Variants in PPFIA2 observed in about 807,000 individuals in gnomAD.
PPFIA2 encodes the protein liprin-alpha-2.
Under a neutral mutation model 175.5 loss-of-function variants are expected in PPFIA2, and 46 were observed. The ratio of observed to expected loss-of-function variants is 0.26; its 90% CI spans 0.21 to 0.34. PPFIA2 has a LOEUF of 0.34. Among genes scored for constraint, PPFIA2 ranks in the 10% least tolerant of loss-of-function variants. The pLI, the probability that PPFIA2 is intolerant of heterozygous loss-of-function variation, is 1.00. For missense variants in PPFIA2, 1,179 were observed against 1,506.1 expected (o/e 0.78, Z 3.60); for synonymous variants, 568 against 511.4 (o/e 1.11, Z -1.49).
chr12:81,640,456 A>C (rs544934810), intron 4 of PPFIA2, among the ~76,000 whole-genome samples: 1 of 152,236 alleles, frequency 6.6e-6, no homozygotes, highest in South Asian at 2.1e-4. Flanking sequence ...AATTTTCAAA[A>C]TTCCTCAATA....
chr12:81,415,430 A>C (rs763079253), intron 7 of PPFIA2, among the ~76,000 whole-genome samples: 47 of 149,186 alleles, frequency 3.2e-4, no homozygotes, highest in Non-Finnish European at 5.7e-4. Flanking sequence ...ATTTAAATGC[A>C]CATTACCAGT....
At chr12:81,351,265 A>T (rs2059952823) in intron 17 of PPFIA2, among the ~76,000 whole-genome samples, 1 of 152,126 alleles carries the variant, frequency 6.6e-6, no homozygotes, top group Admixed American at 6.6e-5. Context: ...TTGAAATGAA[A>T]ATATAATAAA....
At position 81,365,175 on chromosome 12, in the gene PPFIA2, A is replaced by T. The variant is rs747481027; in HGVS notation, c.1545+1933T>A. 2.0e-5 allele frequency among the ~76,000 whole-genome samples: 3 copies of T among 151,924 alleles called. No homozygotes were observed. In the South Asian group the frequency reaches 6.2e-4, roughly 31 times the overall value. On this transcript the variant is annotated intron_variant, in intron 14 of 32. Coordinates refer to ENST00000549396, the MANE Select transcript of PPFIA2 (RefSeq NM_003625.5). ...AAAGGAAAGCTACCTAGAAACTTCA[A>T]ATTGTAGAGATAAAGATGGAAAGGG...
chr12:81,552,909 A>G (rs1413203616), intron 4 of PPFIA2, among the ~76,000 whole-genome samples: 1 of 152,236 alleles, frequency 6.6e-6, no homozygotes, highest in Admixed American at 6.6e-5. Context: ...GTTGTAATGT[A>G]GCCTATTAAA....
chr12:81,317,890 A>G (rs948191721), intron 22 of PPFIA2, among the ~76,000 whole-genome samples: 11 of 151,804 alleles, frequency 7.2e-5, no homozygotes, highest in African/African-American at 2.6e-4. Flanking sequence ...CTCTCAGCCA[A>G]AAGTTGAATC....
intron 4 of PPFIA2, among the ~76,000 whole-genome samples, chr12:81,575,841 AG>A (rs1326404829): frequency 6.6e-6 from 1 of 151,720 alleles, no homozygotes; most frequent in Non-Finnish European, 1.5e-5. Context: ...TACTGAATAT[AG>A]GTGTTCCAAG....
intron 7 of PPFIA2, among the ~76,000 whole-genome samples, chr12:81,416,779 G>T (rs977609647): frequency 6.6e-6 from 1 of 151,612 alleles, no homozygotes; most frequent in African/African-American, 2.4e-5. Flanking sequence ...ACAACTGACT[G>T]CAGTAATTAA....
At chr12:81,620,800 C>CA (rs1376108350) in intron 4 of PPFIA2, among the ~76,000 whole-genome samples, 3 of 152,150 alleles carry the variant, frequency 2.0e-5, no homozygotes, top group African/African-American at 7.2e-5. Flanking sequence ...TAAAAGGTTT[C>CA]AGGCAAATGT....
intron 3 of PPFIA2, among the ~76,000 whole-genome samples, chr12:81,753,709 C>G (rs2084211693): frequency 6.6e-6 from 1 of 152,102 alleles, no homozygotes; most frequent in Non-Finnish European, 1.5e-5. Context: ...TTTTCTACCT[C>G]CCTAAAACAC....
chr12:81,731,102 T>C (rs1479481612), intron 3 of PPFIA2, among the ~76,000 whole-genome samples: 1 of 151,660 alleles, frequency 6.6e-6, no homozygotes, highest in Non-Finnish European at 1.5e-5. Context: ...CGCACTACCC[T>C]ACTACAAGGC....
intron 7 of PPFIA2, among the ~76,000 whole-genome samples, chr12:81,437,264 G>C (rs565221536): frequency 1.1e-4 from 17 of 152,218 alleles, no homozygotes; most frequent in Middle Eastern, 3.4e-3. Context: ...GAGTCTGGCT[G>C]TGTTGCCTAG....
intron 21 of PPFIA2, among the ~76,000 whole-genome samples, chr12:81,336,014 C>A (rs1378485367): frequency 3.3e-5 from 5 of 152,122 alleles, no homozygotes; most frequent in African/African-American, 1.2e-4. Context: ...TACATCACTC[C>A]TATTTATTTT....
At chr12:81,713,737 T>G (rs769736530) in intron 3 of PPFIA2, among the ~76,000 whole-genome samples, 4 of 151,262 alleles carry the variant, frequency 2.6e-5, no homozygotes, top group Admixed American at 6.7e-5. Context: ...AGTTTATTGC[T>G]GTCTAATTTT....
chr12:81,312,281 G>A, intron 22 of PPFIA2: 1 of 1,055,232 alleles, frequency 9.5e-7, no homozygotes, highest in South Asian at 1.4e-5. Context: ...TTTAAGATGT[G>A]AGAAAGCTCA....
intron 25 of PPFIA2, 52 bp downstream of exon 25, chr12:81,284,189 A>G: frequency 7.3e-7 from 1 of 1,377,518 alleles, no homozygotes; most frequent in Non-Finnish European, 1.0e-6. Context: ...TCCTCATCCA[A>G]AGAGCAGCAA....
At chr12:81,523,119 T>A (rs1410513454) in intron 4 of PPFIA2, among the ~76,000 whole-genome samples, 1 of 152,190 alleles carries the variant, frequency 6.6e-6, no homozygotes, top group Admixed American at 6.5e-5. Flanking sequence ...AAATCTGTCA[T>A]GTGGCTGCTC....
At chr12:81,514,178 CT>C (rs1053463600) in intron 4 of PPFIA2, among the ~76,000 whole-genome samples, 17 of 152,016 alleles carry the variant, frequency 1.1e-4, no homozygotes, top group East Asian at 1.9e-4. Context: ...AGTTCCCCCC[CT>C]GAACAAATAC....
At chr12:81,326,862 T>A (rs1224780393) in intron 21 of PPFIA2, among the ~76,000 whole-genome samples, 1 of 152,108 alleles carries the variant, frequency 6.6e-6, no homozygotes, top group African/African-American at 2.4e-5. Context: ...AGATTTAAGC[T>A]AATATAAACT....
intron 31 of PPFIA2, among the ~76,000 whole-genome samples, chr12:81,262,751 C>A (rs1014907695): frequency 6.6e-6 from 1 of 152,068 alleles, no homozygotes; most frequent in Non-Finnish European, 1.5e-5. Flanking sequence ...ATGTTCATGG[C>A]TTGTTTATTT....
Sources: gnomAD v4.1 joint callset for allele counts (sites outside exome capture counted in the v4.1 genomes callset) on GRCh38, gnomAD v4.1.1 for gene constraint, MANE v1.5 for transcripts, NCBI Gene and HGNC (gene_info 2026-07-23, HGNC 2026-07-21) for gene names.